The following LUZP2 variants were observed in gnomAD, a reference collection of about 807,000 sequenced individuals.
LUZP2 encodes leucine zipper protein 2.
In LUZP2, 52 loss-of-function variants were observed where a neutral mutation model predicts 51.6. The ratio of observed to expected loss-of-function variants is 1.01; its 90% CI spans 0.81 to 1.27. LUZP2 has a LOEUF of 1.27. Among genes scored for constraint, LUZP2 ranks in the 50% most tolerant of loss-of-function variants. The pLI, the probability that LUZP2 is intolerant of heterozygous loss-of-function variation, is 0.00. For missense variants in LUZP2, 436 were observed against 395.4 expected, an observed-to-expected ratio of 1.10 and a Z score of -0.87; for synonymous variants, 154 against 137.3, an observed-to-expected ratio of 1.12 and a Z score of -0.85.
intron 5 of LUZP2, among the ~76,000 whole-genome samples, chr11:24,805,588 A>G (rs1477849668): frequency 1.3e-5 from 2 of 152,146 alleles, no homozygotes; most frequent in Non-Finnish European, 2.9e-5. Context: ...TACATAAGCT[A>G]AGCATCATAA....
At chr11:24,862,063 C>G (rs1851759030) in intron 5 of LUZP2, among the ~76,000 whole-genome samples, 1 of 152,080 alleles carries the variant, frequency 6.6e-6, no homozygotes, top group South Asian at 2.1e-4. Flanking sequence ...TATAGTTTAT[C>G]CCACCACTCT....
At chr11:25,027,535 G>A (rs887734094) in intron 9 of LUZP2, among the ~76,000 whole-genome samples, 2 of 151,950 alleles carry the variant, frequency 1.3e-5, no homozygotes, top group Non-Finnish European at 2.9e-5. Context: ...TTACCAGTAC[G>A]AACTCTATCA....
intron 1 of LUZP2, among the ~76,000 whole-genome samples, chr11:24,607,185 G>A (rs1350568279): frequency 1.3e-5 from 2 of 150,042 alleles, no homozygotes; most frequent in Non-Finnish European, 3.0e-5. Context: ...CTAGGCTTTT[G>A]ATGTCAAATC....
At chr11:25,077,830 C>T (rs1290385201) in intron 11 of LUZP2, among the ~76,000 whole-genome samples, 1 of 152,138 alleles carries the variant, frequency 6.6e-6, no homozygotes, top group East Asian at 1.9e-4. Flanking sequence ...CTCTCTTGCT[C>T]TTGCTGGGGC....
intron 1 of LUZP2, among the ~76,000 whole-genome samples, chr11:24,516,549 G>A (rs1355058643): frequency 1.3e-5 from 2 of 152,152 alleles, no homozygotes; most frequent in African/African-American, 2.4e-5. Flanking sequence ...ATTGGTTAAA[G>A]TTTGTTTTCT....
In LUZP2 at chr11:24,763,309, G is replaced by A. The variant is rs1289633940; in HGVS notation, c.396+1G>A. The A allele has an allele frequency of 7.5e-7, 1 of 1,341,056 alleles. No homozygotes were observed. 83.1% of individuals were successfully genotyped at this position (1,341,056 alleles called of 1,614,324 possible). On this transcript the variant is annotated splice_donor_variant, in intron 5 of 11. Transcript: ENST00000336930. LOFTEE classifies it high-confidence loss of function. ...AATGATCCGAGACCTCCAGAATGAG[G>A]TAAGATATATTTCATCTTAGATACA...
At chr11:24,821,448 T>C (rs1383301272) in intron 5 of LUZP2, among the ~76,000 whole-genome samples, 1 of 152,282 alleles carries the variant, frequency 6.6e-6, no homozygotes, top group African/African-American at 2.4e-5. Flanking sequence ...TTAAGATATA[T>C]ATCTATTAAC....
At chr11:24,948,555 T>TA (rs1854965573) in intron 7 of LUZP2, among the ~76,000 whole-genome samples, 2 of 151,678 alleles carry the variant, frequency 1.3e-5, no homozygotes, top group Admixed American at 1.3e-4. Flanking sequence ...CTAAATTCAC[T>TA]AAAGCATGCT....
chr11:24,826,960 GA>G (rs1038242724), intron 5 of LUZP2, among the ~76,000 whole-genome samples: 11 of 151,682 alleles, frequency 7.3e-5, no homozygotes, highest in Admixed American at 2.0e-4. Flanking sequence ...AAAACATCTG[GA>G]CATAAAAAAC....
chr11:24,706,806 C>A (rs1282844992), intron 1 of LUZP2, among the ~76,000 whole-genome samples: 1 of 147,946 alleles, frequency 6.8e-6, no homozygotes, highest in African/African-American at 2.5e-5. Context: ...ATATTTCCCT[C>A]CTCAGATCTC....
chr11:24,641,144 G>A lies in LUZP2; in HGVS notation c.63-88025G>A, dbSNP rs546459252. Among the ~76,000 whole-genome samples the A allele has an allele frequency of 2.4e-4, 36 of 151,104 alleles. 1 individual carries two copies. Among genetic ancestry groups the A allele is most frequent in the African/African-American group, 8.1e-4 (33 of 40,852 alleles). Reference sequence around the variant, plus strand: ...TGCCCAGGTTAGTCTCAAACTTCTGGCCTCAAGAGATCCTCCCACCTCAGC... The same window carrying A: ...TGCCCAGGTTAGTCTCAAACTTCTGACCTCAAGAGATCCTCCCACCTCAGC... On this transcript the variant is annotated intron_variant, in intron 1 of 11. Coordinates refer to ENST00000336930, the MANE Select transcript of LUZP2 (RefSeq NM_001009909.4).
intron 10 of LUZP2, among the ~76,000 whole-genome samples, chr11:25,058,763 G>C (rs1205742331): frequency 6.6e-6 from 1 of 152,296 alleles, no homozygotes; most frequent in East Asian, 1.9e-4. Flanking sequence ...CACTCCTGCC[G>C]TTGGCTCCAT....
chr11:24,576,942 A>G (rs1852672392), intron 1 of LUZP2, among the ~76,000 whole-genome samples: 2 of 152,064 alleles, frequency 1.3e-5, no homozygotes, highest in Non-Finnish European at 2.9e-5. Flanking sequence ...TTTTAAAAGA[A>G]TCGTATGTTC....
intron 7 of LUZP2, among the ~76,000 whole-genome samples, chr11:24,948,492 A>G (rs1004514258): frequency 1.3e-5 from 2 of 151,742 alleles, no homozygotes; most frequent in African/African-American, 4.8e-5. Context: ...TAGAGTCTGA[A>G]GAGCAGGGCA....
intron 1 of LUZP2, among the ~76,000 whole-genome samples, chr11:24,667,995 T>G (rs1338754067): frequency 6.6e-6 from 1 of 152,224 alleles, no homozygotes; most frequent in Non-Finnish European, 1.5e-5. Context: ...GCAGTAAAAC[T>G]GGCAATAACT....
intron 5 of LUZP2, among the ~76,000 whole-genome samples, chr11:24,904,890 T>C (rs948062944): frequency 1.3e-5 from 2 of 152,082 alleles, no homozygotes; most frequent in South Asian, 4.1e-4. Flanking sequence ...TATAAAGACA[T>C]GCATAGACTG....
chr11:24,901,928 C>A (rs1369831108), intron 5 of LUZP2, among the ~76,000 whole-genome samples: 1 of 152,104 alleles, frequency 6.6e-6, no homozygotes, highest in Admixed American at 6.6e-5. Flanking sequence ...TCTTTCTTAT[C>A]ATTTTACAAG....
intron 5 of LUZP2, among the ~76,000 whole-genome samples, chr11:24,870,187 G>A (rs867584087): frequency 1.4e-4 from 21 of 152,058 alleles, no homozygotes; most frequent in Admixed American, 3.3e-4. Context: ...GAGCTATCGG[G>A]GTGAGTTCAT....
intron 7 of LUZP2, among the ~76,000 whole-genome samples, chr11:24,942,731 G>A (rs1565139761): frequency 1.3e-5 from 2 of 151,954 alleles, no homozygotes; most frequent in African/African-American, 4.8e-5. Context: ...TATTTTTGAT[G>A]AAGTCAAAAT....
Sources: allele counts gnomAD v4.1 joint callset (sites outside exome capture counted in the v4.1 genomes callset), GRCh38; gene constraint gnomAD v4.1.1; transcripts MANE v1.5; gene names NCBI Gene and HGNC (gene_info 2026-07-23, HGNC 2026-07-21).